The following FHIT variants were observed in gnomAD, a reference collection of about 807,000 sequenced individuals.
FHIT encodes the protein fragile histidine triad diadenosine triphosphatase.
In FHIT, 19 loss-of-function variants were observed where a neutral mutation model predicts 17.9. The ratio of observed to expected loss-of-function variants is 1.06; its 90% CI spans 0.74 to 1.56. FHIT has a LOEUF of 1.56. Among genes scored for constraint, FHIT ranks in the 40% most tolerant of loss-of-function variants. The probability of loss-of-function intolerance (pLI) is 0.00; values close to 1 mark genes in which losing one functional copy is unlikely to be tolerated. For synonymous variants in FHIT, 81 were observed against 69.7 expected (o/e 1.16, Z -0.81); for missense variants, 248 against 189.2 (o/e 1.31, Z -1.82).
At chr3:60,761,298 G>T (rs1255149949) in intron 4 of FHIT, among the ~76,000 whole-genome samples, 2 of 152,176 alleles carry the variant, frequency 1.3e-5, no homozygotes, top group Non-Finnish European at 2.9e-5. Flanking sequence ...GAGACAGAAT[G>T]GGGTGTTACA....
At chr3:60,629,714 T>C (rs1423107721) in intron 4 of FHIT, among the ~76,000 whole-genome samples, 1 of 152,234 alleles carries the variant, frequency 6.6e-6, no homozygotes, top group Non-Finnish European at 1.5e-5. Context: ...ATGCCCTTCC[T>C]GTTTTTCTTT....
At chr3:60,124,742 T>C (rs915952828) in intron 5 of FHIT, among the ~76,000 whole-genome samples, 1 of 152,194 alleles carries the variant, frequency 6.6e-6, no homozygotes, top group African/African-American at 2.4e-5. Context: ...TTGGCATTGA[T>C]TTGATTTATT....
chr3:60,153,646 A>G (rs1453469894), intron 5 of FHIT, among the ~76,000 whole-genome samples: 1 of 152,218 alleles, frequency 6.6e-6, no homozygotes, highest in Middle Eastern at 3.2e-3. Context: ...AATTACGTCC[A>G]AAAGTAGCCT....
At chr3:60,703,998 A>T (rs1350983307) in intron 4 of FHIT, among the ~76,000 whole-genome samples, 6 of 139,606 alleles carry the variant, frequency 4.3e-5, no homozygotes, top group East Asian at 3.9e-4. Context: ...TTTTTTTTTA[A>T]AAAAAATCTA....
intron 3 of FHIT, among the ~76,000 whole-genome samples, chr3:60,950,832 C>T (rs1229229053): frequency 6.6e-6 from 1 of 151,998 alleles, no homozygotes; most frequent in East Asian, 1.9e-4. Context: ...CTAGGTAGGG[C>T]TTTTCTTCTT....
chr3:59,913,519 A>G (rs905763114), intron 8 of FHIT, among the ~76,000 whole-genome samples: 8 of 152,300 alleles, frequency 5.3e-5, no homozygotes, highest in Non-Finnish European at 8.8e-5. Flanking sequence ...GGCACCTAGC[A>G]GACAGTCCAG....
rs147703483 is a variant in FHIT at position 60,561,946 on chromosome 3, A to AAGAGAG, written c.-17-24968_-17-24967insCTCTCT. 6.2e-4 allele frequency among the ~76,000 whole-genome samples: 94 copies of AAGAGAG among 150,624 alleles called. 2 individuals are homozygous for AAGAGAG. The East Asian group carries it at 7.5e-3, about 12-fold the overall frequency. ...AGAGAAAGAAAAAGAGAAAGAGAGA[A>AAGAGAG]ACAGAGAGAGAGAGAGAGAAAGATA... On this transcript the variant is annotated intron_variant, in intron 4 of 9. Coordinates refer to ENST00000492590, the MANE Select transcript of FHIT (RefSeq NM_002012.4).
chr3:60,846,484 C>T (rs1553746514), intron 3 of FHIT, among the ~76,000 whole-genome samples: 1 of 152,194 alleles, frequency 6.6e-6, no homozygotes, highest in African/African-American at 2.4e-5. Context: ...TGCATATAGT[C>T]AAACTTACCA....
At chr3:60,205,404 C>G (rs1383431945) in intron 5 of FHIT, among the ~76,000 whole-genome samples, 1 of 152,114 alleles carries the variant, frequency 6.6e-6, no homozygotes, top group East Asian at 1.9e-4. Context: ...TAGGTCAGAA[C>G]GTCCCAAATT....
intron 5 of FHIT, among the ~76,000 whole-genome samples, chr3:60,298,331 A>T (rs1217841388): frequency 5.3e-5 from 8 of 152,102 alleles, no homozygotes; most frequent in Admixed American, 5.2e-4. Flanking sequence ...CCTAGCAACC[A>T]GTCCCCATTC....
chr3:60,983,848 C>T (rs1366805226), intron 3 of FHIT, among the ~76,000 whole-genome samples: 2 of 152,132 alleles, frequency 1.3e-5, no homozygotes, highest in South Asian at 4.1e-4. Flanking sequence ...CCAAGTACAG[C>T]CTCAAAACAC....
chr3:60,956,918 G>T (rs551333501), intron 3 of FHIT, among the ~76,000 whole-genome samples: 59 of 151,892 alleles, frequency 3.9e-4, no homozygotes, highest in Non-Finnish European at 7.5e-4. Flanking sequence ...AGTTTCGGGG[G>T]GTCACACTGG....
intron 5 of FHIT, among the ~76,000 whole-genome samples, chr3:60,531,528 T>G (rs1184284492): frequency 6.6e-6 from 1 of 152,094 alleles, no homozygotes; most frequent in Admixed American, 6.5e-5. Flanking sequence ...TCCGCCCGCC[T>G]CGGCCTCCCA....
At chr3:60,957,531 C>T (rs1409826436) in intron 3 of FHIT, among the ~76,000 whole-genome samples, 2 of 147,200 alleles carry the variant, frequency 1.4e-5, no homozygotes, top group African/African-American at 4.9e-5. Context: ...GCCATGGCGC[C>T]GGGCCCATCT....
chr3:61,181,308 T>A (rs1434106237), intron 2 of FHIT, among the ~76,000 whole-genome samples: 2 of 152,172 alleles, frequency 1.3e-5, no homozygotes, highest in East Asian at 3.8e-4. Flanking sequence ...AATATACAAA[T>A]ATATACTGTG....
intron 5 of FHIT, among the ~76,000 whole-genome samples, chr3:60,133,998 T>G (rs1699706158): frequency 6.6e-6 from 1 of 152,066 alleles, no homozygotes; most frequent in African/African-American, 2.4e-5. Context: ...TTACATTAAC[T>G]GTTTGTTAAA....
intron 5 of FHIT, among the ~76,000 whole-genome samples, chr3:60,134,257 G>T (rs1464296914): frequency 6.6e-6 from 1 of 152,070 alleles, no homozygotes; most frequent in Non-Finnish European, 1.5e-5. Flanking sequence ...TGCAAAACAG[G>T]TTCAAAAATA....
intron 5 of FHIT, among the ~76,000 whole-genome samples, chr3:60,382,480 A>T (rs1424704451): frequency 6.6e-6 from 1 of 152,212 alleles, no homozygotes; most frequent in Non-Finnish European, 1.5e-5. Context: ...GAGACAATTC[A>T]TCTTCTTATT....
intron 5 of FHIT, among the ~76,000 whole-genome samples, chr3:60,376,853 T>C (rs924895801): frequency 6.6e-6 from 1 of 152,286 alleles, no homozygotes; most frequent in Non-Finnish European, 1.5e-5. Flanking sequence ...AATACCCCCA[T>C]TGGAAATGGT....
Sources: allele counts gnomAD v4.1 joint callset (sites outside exome capture counted in the v4.1 genomes callset), GRCh38; gene constraint gnomAD v4.1.1; transcripts MANE v1.5; gene names NCBI Gene and HGNC (gene_info 2026-07-23, HGNC 2026-07-21).